ADAM15: variants seen among roughly 807,000 people sequenced by gnomAD.
ADAM15 encodes the protein ADAM metallopeptidase domain 15.
A neutral mutation model predicts 113.8 loss-of-function variants in ADAM15; 77 were observed. The ratio of observed to expected loss-of-function variants is 0.68; its 90% CI spans 0.56 to 0.82. ADAM15 has a LOEUF of 0.82. Among genes scored for constraint, ADAM15 ranks in the 40% least tolerant of loss-of-function variants. ADAM15 has a pLI of 0.00. For missense variants in ADAM15, 963 were observed against 1,120.1 expected (o/e 0.86, Z 2.00); for synonymous variants, 388 against 454.1 (o/e 0.85, Z 1.85).
In ADAM15 at chr1:155,062,518, C is replaced by T. The variant is rs1021336898; in HGVS notation, c.*16C>T. 15 of 1,612,184 alleles carry T rather than the reference C, an allele frequency of 9.3e-6. No homozygotes were observed. Among genetic ancestry groups the T allele is most frequent in the Non-Finnish European group, 1.2e-5 (14 of 1,179,506 alleles). ...CTACCTCTGACCTCTCCGGAGGTTC[C>T]GCTGCCTCCAAGCCGGACTTAGGGC... On this transcript the variant is annotated 3_prime_UTR_variant, in exon 23 of 23. Transcript: ENST00000356955. The surrounding 1 kb of genome is among the most constrained non-coding windows in gnomAD (Gnocchi z 7.0).
rs1050641972 is a variant in ADAM15, at chr1:155,061,259, C to G, written c.2278-156C>G. 5.0e-6 allele frequency: 3 copies of G among 603,200 alleles called. No individual in the cohort carries two copies. The South Asian group carries it at 6.0e-5, about 12-fold the overall frequency. The allele number at this position is 603,200 out of a possible 1,614,324, so 37.4% of individuals were successfully genotyped here. ...AGTGTGTGCACACCTCCTCCCCACT[C>G]GCTCCCCACCTGCATGCACCTGCAT... On this transcript the variant is annotated intron_variant, in intron 19 of 22. Coordinates refer to ENST00000356955, the MANE Select transcript of ADAM15 (RefSeq NM_207197.3).
rs751892671 is a variant in ADAM15 at position 155,056,979 on chromosome 1, C to T, written c.1026C>T (p.Val342=). 1.3e-5 allele frequency: 20 copies of T among 1,578,306 alleles called. No homozygotes were observed. The highest frequency in any genetic ancestry group is 3.8e-5 in the Admixed American group (2 of 52,778). Residue 342 remains valine (V), a synonymous_variant, in exon 11 of 23, where the codon GTC becomes GTT. Coordinates refer to ENST00000356955, the MANE Select transcript of ADAM15 (RefSeq NM_207197.3). The surrounding 1 kb of genome is among the most constrained non-coding windows in gnomAD (Gnocchi z 4.0). The part of the protein sequence containing the change: ...NMDHSTSILG[V]ASSIAHELGH... ...ACCACTCCACCAGCATCCTGGGAGT[C>T]GCCTCCTCCATAGCCCATGAGTTGG...
chr1:155,062,752 T>C lies in ADAM15; in HGVS notation c.*250T>C. ...ACAGCCTGTCTCTGCTCAGTTGCAA[T>C]AAACGTGACATCTTGGGAGCGTTCC... On this transcript the variant is annotated 3_prime_UTR_variant, in exon 23 of 23. Coordinates refer to ENST00000356955, the MANE Select transcript of ADAM15 (RefSeq NM_207197.3). This position sits in a 1 kb window ranked among gnomAD's most constrained non-coding sequence, Gnocchi z 7.0. 1 of 482,304 alleles carries C rather than the reference T, an allele frequency of 2.1e-6. No homozygotes were observed. Among genetic ancestry groups the C allele is most frequent in the Non-Finnish European group, 3.7e-6 (1 of 272,682 alleles). 29.9% of individuals were successfully genotyped at this position (482,304 alleles called of 1,614,324 possible).
chr1:155,057,756 G>A lies in ADAM15; in HGVS notation c.1416+27G>A, dbSNP rs371741814. 1.5e-5 allele frequency: 25 copies of A among 1,613,940 alleles called. No individual in the cohort carries two copies. In the African/African-American group the frequency reaches 2.7e-4, roughly 17 times the overall value. ...TGGGTAGAGACTAGACTGGCCACCC[G>A]GAGCTCACCTGCCGGGGCCAAGGTG... On this transcript the variant is annotated intron_variant, in intron 13 of 22. Coordinates refer to ENST00000356955, the MANE Select transcript of ADAM15 (RefSeq NM_207197.3). This position sits in a 1 kb window ranked among gnomAD's most constrained non-coding sequence, Gnocchi z 5.0.
chr1:155,056,134 C>T lies in ADAM15; in HGVS notation c.799C>T (p.Gln267Ter). ...ACTAGTGGGCCTGGAGGCCTGGACC[C>T]AGCGTGACCTGGTGGAGATCAGCCC... Reference protein sequence around the residue: ...VALVGLEAWTQRDLVEISPNP... With the variant: ...VALVGLEAWT Residue 267 changes from glutamine to a stop codon, truncating the protein, a stop_gained, in exon 9 of 23, where the codon CAG becomes TAG. Coordinates refer to ENST00000356955, the MANE Select transcript of ADAM15 (RefSeq NM_207197.3). LOFTEE classifies it high-confidence loss of function. The surrounding 1 kb of genome is among the most constrained non-coding windows in gnomAD (Gnocchi z 4.0). 1 of 1,614,002 alleles carries T rather than the reference C, an allele frequency of 6.2e-7. No individual in the cohort carries two copies. Among genetic ancestry groups the T allele is most frequent in the Non-Finnish European group, 8.5e-7 (1 of 1,180,024 alleles).
In ADAM15 at chr1:155,062,283, A is replaced by C; in HGVS notation, c.2463A>C (p.Pro821=). 1 of 1,470,658 alleles carries C rather than the reference A, an allele frequency of 6.8e-7. No homozygotes were observed. Among genetic ancestry groups the C allele is most frequent in the Non-Finnish European group, 9.0e-7 (1 of 1,108,076 alleles). 91.1% of individuals were successfully genotyped at this position (1,470,658 alleles called of 1,614,324 possible). A position where few individuals can be genotyped will look rare whatever the true frequency, so the allele number is the denominator to read the frequency against. ...CCAAGCCCCCACCCCCAAGGAAGCCACTGCCTGCCGACCCCCAGGGCCGGT... is the reference window on the plus strand; with the variant it reads ...CCAAGCCCCCACCCCCAAGGAAGCCCCTGCCTGCCGACCCCCAGGGCCGGT... ...GPAKPPPPRK[P]LPADPQGRCP... Residue 821 remains proline, a synonymous_variant, in exon 22 of 23, where the codon CCA becomes CCC. Coordinates refer to ENST00000356955, the MANE Select transcript of ADAM15 (RefSeq NM_207197.3). The surrounding 1 kb of genome is among the most constrained non-coding windows in gnomAD (Gnocchi z 7.0).
Position 155,055,753 on chromosome 1 carries a change from G to A in ADAM15, c.613-37G>A, listed in dbSNP as rs761021531. 1.1e-5 allele frequency: 17 copies of A among 1,612,152 alleles called. 1 individual carries two copies. The East Asian group carries it at 1.6e-4, about 15-fold the overall frequency. On this transcript the variant is annotated intron_variant, in intron 6 of 22. Coordinates refer to ENST00000356955, the MANE Select transcript of ADAM15 (RefSeq NM_207197.3). ...CCCGGCACAGCTGCTGGCTGCGAGC[G>A]GCAGGTTTGCCTGATAATTCTTCTT...
Position 155,056,982 on chromosome 1 carries a change from C to T in ADAM15, c.1029C>T (p.Ala343=). The T allele has an allele frequency of 6.3e-7, 1 of 1,586,750 alleles. No individual in the cohort carries two copies. The highest frequency in any genetic ancestry group is 8.6e-7 in the Non-Finnish European group (1 of 1,167,014). Residue 343 remains alanine, a synonymous_variant, in exon 11 of 23, where the codon GCC becomes GCT. Coordinates refer to ENST00000356955, the MANE Select transcript of ADAM15 (RefSeq NM_207197.3). The surrounding 1 kb of genome is among the most constrained non-coding windows in gnomAD (Gnocchi z 4.0). ...MDHSTSILGV[A]SSIAHELGHS... ...ACTCCACCAGCATCCTGGGAGTCGC[C>T]TCCTCCATAGCCCATGAGTTGGGCC...
chr1:155,052,690 G>A lies in ADAM15; in HGVS notation c.99G>A (p.Gln33=), dbSNP rs765879414. ...CTGCAGGTGGCACTGAGGAGCAGCAGGCAGAGTCAGAGAAGGCCCCGAGGG... is the reference window on the plus strand; with the variant it reads ...CTGCAGGTGGCACTGAGGAGCAGCAAGCAGAGTCAGAGAAGGCCCCGAGGG... ...LPNIGGTEEQ[Q]AESEKAPREP... is the part of the protein sequence containing the mutation. The change falls in exon 2 of 23, where the codon CAG becomes CAA. Residue 33 remains glutamine, a synonymous_variant. Transcript: ENST00000356955. The A allele has an allele frequency of 1.2e-6, 2 of 1,609,548 alleles. No individual in the cohort carries two copies.
chr1:155,062,117 G>A lies in ADAM15; in HGVS notation c.2425-128G>A. On this transcript the variant is annotated intron_variant, in intron 21 of 22. Transcript: ENST00000356955. The surrounding 1 kb of genome is among the most constrained non-coding windows in gnomAD (Gnocchi z 7.0). The stretch of plus-strand genomic sequence containing the variant: ...CCCGGTGGTGCCTTTAATGGTGACA[G>A]GTTTGTTTGCAGACAAGGGTGACCG... 6 of 1,466,556 alleles carry A rather than the reference G, an allele frequency of 4.1e-6. No individual in the cohort carries two copies. The highest frequency in any genetic ancestry group is 5.4e-6 in the Non-Finnish European group (6 of 1,111,208). 90.8% of individuals were successfully genotyped at this position (1,466,556 alleles called of 1,614,324 possible). A position where few individuals can be genotyped will look rare whatever the true frequency, so the allele number is the denominator to read the frequency against.
chr1:155,052,592 T>C (rs1236251679), intron 1 of ADAM15, 79 bp from the exon 2 acceptor site: 1 of 1,552,372 alleles, frequency 6.4e-7, no homozygotes, highest in African/African-American at 1.4e-5. Flanking sequence ...TGGGAGCTGG[T>C]GGATCTGAGG....
Position 155,052,809 on chromosome 1 carries a change from G to A in ADAM15, c.186+32G>A, listed in dbSNP as rs200272760. ...TCTCACTCCCCTCTAATAAATAAACGAATCCACACACGCCCCGGTATAGCC... is the reference window on the plus strand; with the variant it reads ...TCTCACTCCCCTCTAATAAATAAACAAATCCACACACGCCCCGGTATAGCC... On this transcript the variant is annotated intron_variant, in intron 2 of 22. Coordinates refer to ENST00000356955, the MANE Select transcript of ADAM15 (RefSeq NM_207197.3). The A allele has an allele frequency of 6.7e-4, 1,056 of 1,580,298 alleles. 1 individual carries two copies. The highest frequency in any genetic ancestry group is 8.7e-4 in the Non-Finnish European group (1,013 of 1,162,570).
chr1:155,058,856 G>A lies in ADAM15; in HGVS notation c.1995+69G>A. On this transcript the variant is annotated intron_variant, in intron 16 of 22. Transcript: ENST00000356955. This position sits in a 1 kb window ranked among gnomAD's most constrained non-coding sequence, Gnocchi z 4.3. ...AGAGAGGAAAAGGATACTGGGCTTT[G>A]GAAATAGACATATCTGGGTTTTAAT... 2.0e-6 allele frequency: 3 copies of A among 1,502,044 alleles called. No homozygotes were observed. The highest frequency in any genetic ancestry group is 2.7e-6 in the Non-Finnish European group (3 of 1,123,446). The allele number at this position is 1,502,044 out of a possible 1,614,324, so 93.0% of individuals were successfully genotyped here.
At position 155,056,672 on chromosome 1, in the gene ADAM15, G is replaced by T. The variant is rs1483351021; in HGVS notation, c.999+202G>T. ...CACAGTGTACACAGTCATCCCCTGT[G>T]CAGTCTTCCCATTTCTTAGAGGAGG... On this transcript the variant is annotated intron_variant, in intron 10 of 22. Transcript: ENST00000356955. This position sits in a 1 kb window ranked among gnomAD's most constrained non-coding sequence, Gnocchi z 4.0. Among the ~76,000 whole-genome samples the T allele has an allele frequency of 6.6e-6, 1 of 152,136 alleles. No homozygotes were observed. The highest frequency in any genetic ancestry group is 1.5e-5 in the Non-Finnish European group (1 of 68,024).
rs1197960766 is a variant in ADAM15, at chr1:155,060,269, T to C, written c.2133T>C (p.Leu711=). Residue 711 remains leucine, a synonymous_variant, in exon 18 of 23, where the codon CTT becomes CTC. Coordinates refer to ENST00000356955, the MANE Select transcript of ADAM15 (RefSeq NM_207197.3). ...TGGTCTTATTGGTCCTGGTGATGCT[T>C]GGTGCCAGCTACTGGTACCGTGCCC... ...SLLVLLVLVM[L]GASYWYRARL... The C allele has an allele frequency of 6.2e-7, 1 of 1,614,082 alleles. No individual in the cohort carries two copies. Among genetic ancestry groups the C allele is most frequent in the Non-Finnish European group, 8.5e-7 (1 of 1,179,990 alleles).
rs754718238 is a variant in ADAM15 at position 155,057,353 on chromosome 1, C to A, written c.1314C>A (p.Gly438=). Reference sequence around the variant, plus strand: ...AGCCGGGCGAGCAGTGTGACTGTGGCTTCCTGGATGTGAGCCCCTTTCCCA... The same window carrying A: ...AGCCGGGCGAGCAGTGTGACTGTGGATTCCTGGATGTGAGCCCCTTTCCCA... The part of the protein sequence containing the change: ...FVEPGEQCDC[G]FLDDCVDPCC... The change falls in exon 12 of 23, where the codon GGC becomes GGA. Residue 438 remains glycine, a synonymous_variant. Coordinates refer to ENST00000356955, the MANE Select transcript of ADAM15 (RefSeq NM_207197.3). This position sits in a 1 kb window ranked among gnomAD's most constrained non-coding sequence, Gnocchi z 5.0. 4.3e-6 allele frequency: 7 copies of A among 1,614,124 alleles called. No individual in the cohort carries two copies. The highest frequency in any genetic ancestry group is 5.9e-6 in the Non-Finnish European group (7 of 1,179,980).
chr1:155,057,723 T>C lies in ADAM15; in HGVS notation c.1410T>C (p.Asn470=). The change falls in exon 13 of 23, where the codon AAT becomes AAC. Residue 470 remains asparagine (N), a synonymous_variant. Coordinates refer to ENST00000356955, the MANE Select transcript of ADAM15 (RefSeq NM_207197.3). This position sits in a 1 kb window ranked among gnomAD's most constrained non-coding sequence, Gnocchi z 5.0. ...QCASDGPCCQ[N]CQLRPSGWQC... is the part of the protein sequence containing the mutation. ...CATCTGACGGACCCTGTTGTCAAAATTGCCAGGTGGGTAGAGACTAGACTG... is the reference window on the plus strand; with the variant it reads ...CATCTGACGGACCCTGTTGTCAAAACTGCCAGGTGGGTAGAGACTAGACTG... 1.2e-6 allele frequency: 2 copies of C among 1,614,116 alleles called. No homozygotes were observed. The highest frequency in any genetic ancestry group is 1.7e-6 in the Non-Finnish European group (2 of 1,180,002).
rs372706086 is a variant in ADAM15 at position 155,052,745 on chromosome 1, G to C, written c.154G>C (p.Asp52His). The change falls in exon 2 of 23, where the codon GAT (aspartate) becomes CAT (histidine). Residue 52 changes from aspartate to histidine, a missense_variant. Transcript: ENST00000356955. ...CTTGGAGCCCCAGGTCCTTCAGGAC[G>C]ATCTCCCAATTAGCCTCAAAAAGGT... is the stretch of plus-strand genomic sequence containing the variant. Reference protein sequence around the residue: ...EPLEPQVLQDDLPISLKKVLQ... With the variant: ...EPLEPQVLQDHLPISLKKVLQ... 1.2e-6 allele frequency: 2 copies of C among 1,612,412 alleles called. No individual in the cohort carries two copies. Among genetic ancestry groups the C allele is most frequent in the African/African-American group, 1.3e-5 (1 of 74,986 alleles).
rs770807091 is a variant in ADAM15, at chr1:155,055,969, G to A, written c.713G>A (p.Arg238His). ...KYRDFQHLLNRTLEVALLLDT... is the reference protein window; with the variant it reads ...KYRDFQHLLNHTLEVALLLDT... Reference sequence around the variant, plus strand: ...CGGGACTTCCAGCACCTGCTAAACCGCACACTGGAAGTGGCCCTCTTGCTG... The same window carrying A: ...CGGGACTTCCAGCACCTGCTAAACCACACACTGGAAGTGGCCCTCTTGCTG... Residue 238 changes from arginine (R) to histidine (H), a missense_variant, in exon 8 of 23, where the codon CGC (arginine) becomes CAC (histidine). Arg to His is a conservative substitution (Grantham distance 29, BLOSUM62 0). Transcript: ENST00000356955. 1.2e-5 allele frequency: 19 copies of A among 1,613,884 alleles called. No homozygotes were observed. Among genetic ancestry groups the A allele is most frequent in the Non-Finnish European group, 1.1e-5 (13 of 1,180,042 alleles).
Sources: gnomAD v4.1 joint callset for allele counts (sites outside exome capture counted in the v4.1 genomes callset) on GRCh38, gnomAD v4.1.1 for gene constraint, Gnocchi (gnomAD v3.1) non-coding constraint, MANE v1.5 for transcripts, NCBI Gene and HGNC (gene_info 2026-07-23, HGNC 2026-07-21) for gene names.